Variants in GALNT18 observed in about 807,000 individuals in gnomAD.
The protein encoded by GALNT18 is polypeptide N-acetylgalactosaminyltransferase 18.
In GALNT18, 44 loss-of-function variants were observed where a neutral mutation model predicts 69.5. The ratio of observed to expected loss-of-function variants is 0.63; its 90% CI spans 0.50 to 0.81. The LOEUF (loss-of-function observed/expected upper bound fraction) is 0.81. GALNT18 is among the 40% of genes least tolerant of loss of function. The probability of loss-of-function intolerance (pLI) is 0.00; values close to 1 mark genes in which losing one functional copy is unlikely to be tolerated. For missense variants in GALNT18, 715 were observed against 810.0 expected (o/e 0.88, Z 1.42); for synonymous variants, 364 against 318.2 (o/e 1.14, Z -1.53).
At chr11:11,515,128 G>A (rs1249854032) in intron 1 of GALNT18, among the ~76,000 whole-genome samples, 3 of 152,084 alleles carry the variant, frequency 2.0e-5, no homozygotes, top group Non-Finnish European at 4.4e-5. Flanking sequence ...TTTTCTGTTG[G>A]CTCAGCTATG....
rs1859960464 is a variant in GALNT18 at position 11,613,378 on chromosome 11, C to G, written c.235+7981G>C. ...TTAGTGAGTAACAATAATTTAAGTA[C>G]CAAAGCTTATGAATGATTAGCTTTA... On this transcript the variant is annotated intron_variant, in intron 1 of 10. Transcript: ENST00000227756. The surrounding 1 kb of genome is among the most constrained non-coding windows in gnomAD (Gnocchi z 4.2). Among the ~76,000 whole-genome samples the G allele has an allele frequency of 6.6e-6, 1 of 152,120 alleles. No homozygotes were observed. Among genetic ancestry groups the G allele is most frequent in the Non-Finnish European group, 1.5e-5 (1 of 68,030 alleles).
At chr11:11,615,962 C>A (rs759972598) in intron 1 of GALNT18, among the ~76,000 whole-genome samples, 118 of 152,262 alleles carry the variant, frequency 7.7e-4, no homozygotes, top group Non-Finnish European at 1.3e-3. Context: ...GTAAAATACA[C>A]AAATCACAAA....
chr11:11,319,146 A>G lies in GALNT18; in HGVS notation c.1512+7940T>C, dbSNP rs144762932. On this transcript the variant is annotated intron_variant, in intron 9 of 10. Coordinates refer to ENST00000227756, the MANE Select transcript of GALNT18 (RefSeq NM_198516.3). The stretch of plus-strand genomic sequence containing the variant: ...GATACTCAGTTCCTCAAATGCACTC[A>G]GTACTTGCTTAACCGTCTTACAAAG... Among the ~76,000 whole-genome samples, 1,083 of 152,182 alleles carry G rather than the reference A, an allele frequency of 7.1e-3. 20 individuals are homozygous for G. The South Asian group carries it at 0.074, about 10-fold the overall frequency.
rs1358511398 is a variant in GALNT18, at chr11:11,341,017, T to G, written c.1093-13A>C. ...CACACTGCCACACCTGCAGAAGACA[T>G]GGAGCCACTTGTCAGAGCCTGCCTG... On this transcript the variant is annotated splice_polypyrimidine_tract_variant and intron_variant, in intron 6 of 10. Transcript: ENST00000227756. This position sits in a 1 kb window ranked among gnomAD's most constrained non-coding sequence, Gnocchi z 6.3. 9 of 1,581,602 alleles carry G rather than the reference T, an allele frequency of 5.7e-6. No homozygotes were observed. In the South Asian group the frequency reaches 6.9e-5, roughly 12 times the overall value.
rs1353802745 is a variant in GALNT18, at chr11:11,444,343, G to A, written c.428+4401C>T. Among the ~76,000 whole-genome samples the A allele has an allele frequency of 2.0e-5, 3 of 152,244 alleles. No individual in the cohort carries two copies. The highest frequency in any genetic ancestry group is 3.9e-4 in the East Asian group (2 of 5,160). On this transcript the variant is annotated intron_variant, in intron 2 of 10. Coordinates refer to ENST00000227756, the MANE Select transcript of GALNT18 (RefSeq NM_198516.3). This position sits in a 1 kb window ranked among gnomAD's most constrained non-coding sequence, Gnocchi z 4.4. ...GGCCACTGCCTTACTAAAAGCCTGC[G>A]AGGACAAGTCCTCCCCGCCACGGAG...
chr11:11,569,073 A>G (rs1450167855), intron 1 of GALNT18, among the ~76,000 whole-genome samples: 3 of 152,108 alleles, frequency 2.0e-5, no homozygotes, highest in Non-Finnish European at 4.4e-5. Flanking sequence ...TTCTGTGGCC[A>G]CCCACTTCCT....
rs554555407 is a variant in GALNT18, at chr11:11,402,741, C to T, written c.596-23477G>A. 8.5e-5 allele frequency among the ~76,000 whole-genome samples: 13 copies of T among 152,250 alleles called. No individual in the cohort carries two copies. Among genetic ancestry groups the T allele is most frequent in the African/African-American group, 3.1e-4 (13 of 41,536 alleles). ...ACCTAAAGTGTGGCATTTTAATGCA[C>T]CTGCCTTGCAGCTGCGGGTAAGAAC... On this transcript the variant is annotated intron_variant, in intron 3 of 10. Coordinates refer to ENST00000227756, the MANE Select transcript of GALNT18 (RefSeq NM_198516.3). The surrounding 1 kb of genome is among the most constrained non-coding windows in gnomAD (Gnocchi z 4.0).
At chr11:11,476,283 G>A (rs2242326) in intron 1 of GALNT18, 102,889 of 151,876 alleles carry the variant, frequency 0.68, 35,679 homozygotes, top group Admixed American at 0.78. Context: ...GTGACCCCTC[G>A]TCATCATGTC....
At chr11:11,501,822 C>G (rs1483182304) in intron 1 of GALNT18, among the ~76,000 whole-genome samples, 1 of 152,302 alleles carries the variant, frequency 6.6e-6, no homozygotes, top group East Asian at 1.9e-4. Context: ...GATGCCTGTC[C>G]TTTTTCCATT....
At chr11:11,381,803 T>C (rs1853926708) in intron 3 of GALNT18, among the ~76,000 whole-genome samples, 1 of 152,112 alleles carries the variant, frequency 6.6e-6, no homozygotes, top group South Asian at 2.1e-4. Flanking sequence ...GGAGAGCCAT[T>C]GTGTAGAGCA....
chr11:11,575,238 G>C (rs192471956), intron 1 of GALNT18, among the ~76,000 whole-genome samples: 3 of 152,164 alleles, frequency 2.0e-5, no homozygotes, highest in African/African-American at 7.2e-5. Flanking sequence ...GAGGACCAAG[G>C]CACCTTTGTC....
chr11:11,433,275 C>CATACT (rs774361397), intron 2 of GALNT18, among the ~76,000 whole-genome samples: 36 of 152,380 alleles, frequency 2.4e-4, no homozygotes, highest in South Asian at 1.0e-3. Flanking sequence ...CTCCAGAAGG[C>CATACT]ATACTGCCTG....
At chr11:11,550,009 C>T (rs968331742) in intron 1 of GALNT18, among the ~76,000 whole-genome samples, 3 of 152,248 alleles carry the variant, frequency 2.0e-5, no homozygotes, top group African/African-American at 7.2e-5. Flanking sequence ...TCACATTATA[C>T]AGTGGCAGAT....
chr11:11,328,439 C>T (rs778075397), intron 8 of GALNT18, among the ~76,000 whole-genome samples: 11 of 152,166 alleles, frequency 7.2e-5, no homozygotes, highest in Non-Finnish European at 1.6e-4. Flanking sequence ...GCAGCAGGGC[C>T]TTTGTACTCC....
At chr11:11,597,219 C>G (rs1156570207) in intron 1 of GALNT18, among the ~76,000 whole-genome samples, 1 of 152,132 alleles carries the variant, frequency 6.6e-6, no homozygotes, top group East Asian at 1.9e-4. Context: ...ATTCTTGTTT[C>G]TATATTCATA....
In GALNT18 at chr11:11,587,570, C is replaced by T. The variant is rs113329277; in HGVS notation, c.235+33789G>A. On this transcript the variant is annotated intron_variant, in intron 1 of 10. Coordinates refer to ENST00000227756, the MANE Select transcript of GALNT18 (RefSeq NM_198516.3). This position sits in a 1 kb window ranked among gnomAD's most constrained non-coding sequence, Gnocchi z 4.4. ...TTGCAAGACCATCAGTAGTCAAGCA[C>T]GGAAAATACCCTACAACAGAAAAGC... is the stretch of plus-strand genomic sequence containing the variant. Among the ~76,000 whole-genome samples the T allele has an allele frequency of 1.4e-3, 207 of 152,286 alleles. No individual in the cohort carries two copies. Among genetic ancestry groups the T allele is most frequent in the African/African-American group, 4.3e-3 (179 of 41,570 alleles).
At chr11:11,483,267 C>T (rs1298764394) in intron 1 of GALNT18, among the ~76,000 whole-genome samples, 3 of 152,178 alleles carry the variant, frequency 2.0e-5, no homozygotes, top group African/African-American at 7.2e-5. Flanking sequence ...GGGCTCCCTT[C>T]TGGGCAGCTT....
chr11:11,319,447 C>A (rs1271251545), intron 9 of GALNT18, among the ~76,000 whole-genome samples: 1 of 152,194 alleles, frequency 6.6e-6, no homozygotes, highest in Non-Finnish European at 1.5e-5. Context: ...AGAACAGTAT[C>A]TGGCACATGA....
intron 1 of GALNT18, among the ~76,000 whole-genome samples, chr11:11,503,957 A>C (rs1392463611): frequency 6.6e-6 from 1 of 152,206 alleles, no homozygotes; most frequent in Non-Finnish European, 1.5e-5. Context: ...CTGAATTCTA[A>C]CAGCAAAGGT....
Sources: allele counts gnomAD v4.1 joint callset (sites outside exome capture counted in the v4.1 genomes callset), GRCh38; gene constraint gnomAD v4.1.1; non-coding constraint Gnocchi (gnomAD v3.1); transcripts MANE v1.5; gene names NCBI Gene and HGNC (gene_info 2026-07-23, HGNC 2026-07-21).